THSD4: variants seen among roughly 807,000 people sequenced by gnomAD.
The protein encoded by THSD4 is thrombospondin type 1 domain containing 4, also known as thrombospondin type-1 domain-containing protein 4.
THSD4 carries 69 observed loss-of-function variants against 119.0 expected under a neutral mutation model. That is an observed-to-expected ratio of 0.58 (90% confidence interval 0.48 to 0.71). The LOEUF (loss-of-function observed/expected upper bound fraction) is 0.71. THSD4 is among the 30% of genes least tolerant of loss of function. The pLI, the probability that THSD4 is intolerant of heterozygous loss-of-function variation, is 0.00. For synonymous variants in THSD4, 524 were observed against 540.4 expected, an observed-to-expected ratio of 0.97 and a Z score of 0.42; for missense variants, 1,393 against 1,391.1, an observed-to-expected ratio of 1.00 and a Z score of -0.02.
chr15:71,341,072 T>C, intron 6 of THSD4: 2 of 973,450 alleles, frequency 2.1e-6, no homozygotes, highest in Middle Eastern at 3.3e-4. Context: ...TTTGTTGCCT[T>C]GCCTTTTCTT....
chr15:71,746,596 T>C (rs1344792604), intron 12 of THSD4, among the ~76,000 whole-genome samples: 2 of 152,102 alleles, frequency 1.3e-5, no homozygotes, highest in Non-Finnish European at 2.9e-5. Flanking sequence ...GGTTTTGCCA[T>C]GTTGCCCAGG....
At chr15:71,609,748 A>G (rs931192390) in intron 7 of THSD4, among the ~76,000 whole-genome samples, 1 of 149,698 alleles carries the variant, frequency 6.7e-6, no homozygotes, top group Admixed American at 6.7e-5. Context: ...GCTACTCGGG[A>G]GGCTGAGGCA....
intron 7 of THSD4, among the ~76,000 whole-genome samples, chr15:71,505,370 A>G (rs1178773753): frequency 6.6e-6 from 1 of 152,196 alleles, no homozygotes; most frequent in Admixed American, 6.5e-5. Flanking sequence ...TGTCCAAGAG[A>G]GTGAATGAAA....
intron 7 of THSD4, among the ~76,000 whole-genome samples, chr15:71,647,244 G>T (rs892340596): frequency 6.6e-6 from 1 of 152,154 alleles, no homozygotes; most frequent in Non-Finnish European, 1.5e-5. Flanking sequence ...GCCATGTGTG[G>T]GCAGCAGATC....
intron 6 of THSD4, among the ~76,000 whole-genome samples, chr15:71,397,045 C>G (rs2046463475): frequency 1.3e-5 from 2 of 152,186 alleles, no homozygotes; most frequent in African/African-American, 2.4e-5. Context: ...GGACTCTAGA[C>G]AAGTTTTGCT....
chr15:71,736,173 C>G (rs1291171391), intron 10 of THSD4, among the ~76,000 whole-genome samples: 1 of 149,824 alleles, frequency 6.7e-6, no homozygotes, highest in Non-Finnish European at 1.5e-5. Context: ...GTCTCTGTCT[C>G]TCTCACACTC....
chr15:71,699,045 G>GCAA, intron 8 of THSD4, among the ~76,000 whole-genome samples: 1 of 152,150 alleles, frequency 6.6e-6, no homozygotes, highest in Non-Finnish European at 1.5e-5. Flanking sequence ...ACTTAAAAAT[G>GCAA]TGTTAAAAGA....
intron 7 of THSD4, among the ~76,000 whole-genome samples, chr15:71,470,054 G>A (rs111606150): frequency 0.024 from 3,657 of 152,298 alleles, 70 homozygotes; most frequent in South Asian, 0.064. Context: ...ATGCAAAGGT[G>A]TAAAGGCATG....
chr15:71,103,147 C>CTTTT (rs34279644), intron 1 of THSD4, among the ~76,000 whole-genome samples: 140 of 141,074 alleles, frequency 9.9e-4, no homozygotes, highest in African/African-American at 3.5e-3. Context: ...AAAAAGAAGG[C>CTTTT]TTTTTTTTTT....
intron 14 of THSD4, among the ~76,000 whole-genome samples, chr15:71,756,804 G>T (rs1389193037): frequency 6.6e-6 from 1 of 152,054 alleles, no homozygotes; most frequent in Admixed American, 6.5e-5. Context: ...GAAAAGACAC[G>T]ATAAGATGAG....
At chr15:71,199,074 A>G in intron 3 of THSD4, among the ~76,000 whole-genome samples, 1 of 152,206 alleles carries the variant, frequency 6.6e-6, no homozygotes, top group East Asian at 1.9e-4. Context: ...TGATGCACCA[A>G]GAAGCAAACT....
intron 5 of THSD4, 27 bp from the exon 6 acceptor site, chr15:71,256,586 T>C (rs766274739): frequency 2.5e-6 from 4 of 1,596,520 alleles, no homozygotes; most frequent in East Asian, 2.2e-5. Context: ...TGGACACTAA[T>C]TGCATATTTA....
chr15:71,781,079 T>A lies in THSD4; in HGVS notation c.*3705T>A. On this transcript the variant is annotated 3_prime_UTR_variant, in exon 18 of 18. Coordinates refer to ENST00000261862, the MANE Select transcript of THSD4 (RefSeq NM_024817.3). ...GGCTGGATAATCTATATCAGCCTTG[T>A]GGGTGGAGACTAGTATTTGATCCTT... 3.6e-6 allele frequency: 1 copy of A among 279,206 alleles called. No individual in the cohort carries two copies. The allele number at this position is 279,206 out of a possible 1,614,324, so 17.3% of individuals were successfully genotyped here.
intron 7 of THSD4, among the ~76,000 whole-genome samples, chr15:71,591,469 G>A (rs968981737): frequency 1.3e-5 from 2 of 152,170 alleles, no homozygotes; most frequent in African/African-American, 4.8e-5. Flanking sequence ...TTGCTATACC[G>A]ATCCTCTTGG....
chr15:71,249,748 C>G (rs1463862272), intron 5 of THSD4, among the ~76,000 whole-genome samples: 3 of 152,196 alleles, frequency 2.0e-5, no homozygotes, highest in Non-Finnish European at 4.4e-5. Flanking sequence ...GATGTAATCA[C>G]AGCCAGTGAT....
At chr15:71,517,555 T>A (rs2140774713) in intron 7 of THSD4, among the ~76,000 whole-genome samples, 1 of 152,370 alleles carries the variant, frequency 6.6e-6, no homozygotes, top group East Asian at 1.9e-4. Context: ...CAAAGGACAT[T>A]CTCATTTGTA....
chr15:71,653,881 CAG>C (rs1184971344), intron 7 of THSD4, among the ~76,000 whole-genome samples: 2 of 152,066 alleles, frequency 1.3e-5, no homozygotes, highest in South Asian at 2.1e-4. Context: ...TGAGGGCAGT[CAG>C]GGGTAGATTT....
intron 7 of THSD4, among the ~76,000 whole-genome samples, chr15:71,542,886 A>C (rs1004288207): frequency 6.6e-6 from 1 of 151,866 alleles, no homozygotes; most frequent in Admixed American, 6.6e-5. Context: ...CAAAAAAAAA[A>C]ACAAAAAAAC....
At chr15:71,626,205 ACT>A (rs1422396412) in intron 7 of THSD4, among the ~76,000 whole-genome samples, 2 of 152,046 alleles carry the variant, frequency 1.3e-5, no homozygotes, top group Non-Finnish European at 2.9e-5. Context: ...ATCTTTTGGT[ACT>A]CTCTAATTCT....
Sources: gnomAD v4.1 joint callset for allele counts (sites outside exome capture counted in the v4.1 genomes callset) on GRCh38, gnomAD v4.1.1 for gene constraint, MANE v1.5 for transcripts, NCBI Gene and HGNC (gene_info 2026-07-23, HGNC 2026-07-21) for gene names.